The following GOLGA8K variants were observed in gnomAD, a reference collection of about 807,000 sequenced individuals.
GOLGA8K encodes golgin A8 family member K.
Under a neutral mutation model 75.2 loss-of-function variants are expected in GOLGA8K, and 12 were observed. The observed-to-expected ratio is 0.16, with a 90% CI of 0.10 to 0.26. The LOEUF is 0.26. GOLGA8K is among the 10% of genes least tolerant of loss of function. The probability of loss-of-function intolerance (pLI) is 1.00; values close to 1 mark genes in which losing one functional copy is unlikely to be tolerated. For missense variants in GOLGA8K, 109 were observed against 640.8 expected (o/e 0.17, Z 8.96); for synonymous variants, 48 against 236.6 (o/e 0.20, Z 7.32).
At chr15:32,398,191 C>CACACAT (rs1226482330) in intron 8 of GOLGA8K, among the ~76,000 whole-genome samples, 2 of 138,584 alleles carry the variant, frequency 1.4e-5, no homozygotes, top group African/African-American at 2.7e-5. Flanking sequence ...CACACACACA[C>CACACAT]ATGCACGCGT....
rs1566975244 is a variant in GOLGA8K, at chr15:32,395,996, C to A, written c.1167G>T (p.Gln389His). Residue 389 changes from glutamine (Q) to histidine (H), a missense_variant, in exon 13 of 19, where the codon CAG becomes CAT. By Grantham distance (24) the Gln-to-His change is conservative. Coordinates refer to ENST00000512626, the MANE Select transcript of GOLGA8K (RefSeq NM_001282493.2). ...NENKNALQLE[Q>H]QVKELQEKLG... ...GCTTCTCCTGTAGCTCCTTTACTTGCTGCTCCAACTGCAGTGCGTTCTTGT... is the reference window on the plus strand; with the variant it reads ...GCTTCTCCTGTAGCTCCTTTACTTGATGCTCCAACTGCAGTGCGTTCTTGT... 1 of 1,394,826 alleles carries A rather than the reference C, an allele frequency of 7.2e-7. No individual in the cohort carries two copies. 86.4% of individuals were successfully genotyped at this position (1,394,826 alleles called of 1,614,324 possible). A position where few individuals can be genotyped will look rare whatever the true frequency, so the allele number is the denominator to read the frequency against.
chr15:32,396,051 C>G lies in GOLGA8K; in HGVS notation c.1132-20G>C. 1 of 1,017,708 alleles carries G rather than the reference C, an allele frequency of 9.8e-7. No homozygotes were observed. Among genetic ancestry groups the G allele is most frequent in the South Asian group, 1.4e-5 (1 of 73,516 alleles). The allele number at this position is 1,017,708 out of a possible 1,614,324, so 63.0% of individuals were successfully genotyped here. A position where few individuals can be genotyped will look rare whatever the true frequency, so the allele number is the denominator to read the frequency against. On this transcript the variant is annotated intron_variant, in intron 12 of 18. Coordinates refer to ENST00000512626, the MANE Select transcript of GOLGA8K (RefSeq NM_001282493.2). ...ATTGTTCTGGACAGAGAGAAGCAAT[C>G]AGCAGCCACCCACTGCAGCTGGAGA...
chr15:32,397,082 C>T (rs2054628762), intron 10 of GOLGA8K, 75 bp from the exon 11 acceptor site: 1 of 583,518 alleles, frequency 1.7e-6, no homozygotes, highest in Non-Finnish European at 2.9e-6. Flanking sequence ...TCCCTCTCTG[C>T]CCCCACCTCC....
intron 8 of GOLGA8K, 151 bp downstream of exon 8, chr15:32,398,409 G>C: frequency 4.6e-6 from 3 of 649,638 alleles, no homozygotes; most frequent in South Asian, 1.5e-5. Context: ...CTCAGCCCCA[G>C]GCTGCCACTA....
intron 8 of GOLGA8K, among the ~76,000 whole-genome samples, chr15:32,398,057 A>C (rs1325433287): frequency 6.6e-6 from 1 of 152,222 alleles, no homozygotes; most frequent in African/African-American, 2.4e-5. Context: ...ACATAGTCCA[A>C]AACTCAGAAG....
At position 32,393,419 on chromosome 15, in the gene GOLGA8K, G is replaced by A; in HGVS notation, c.1464-29C>T. ...CGGGAGGACAGGGCTCAGACGCTGGGGCCCCTCCGACGGCCCTGTAGCTCC... is the reference window on the plus strand; with the variant it reads ...CGGGAGGACAGGGCTCAGACGCTGGAGCCCCTCCGACGGCCCTGTAGCTCC... On this transcript the variant is annotated intron_variant, in intron 16 of 18. Transcript: ENST00000512626. 2.8e-6 allele frequency: 3 copies of A among 1,087,088 alleles called. 1 individual carries two copies. The highest frequency in any genetic ancestry group is 5.8e-4 in the Middle Eastern group (2 of 3,476). The allele number at this position is 1,087,088 out of a possible 1,614,324, so 67.3% of individuals were successfully genotyped here.
intron 13 of GOLGA8K, 26 bp downstream of exon 13, chr15:32,395,937 G>A: frequency 3.5e-6 from 5 of 1,414,982 alleles, no homozygotes; most frequent in East Asian, 2.5e-5. Context: ...CTTCTTGGAT[G>A]GGGTGGAGGT....
At chr15:32,395,561 T>C (rs868444069) in intron 13 of GOLGA8K, among the ~76,000 whole-genome samples, 1,127 of 142,656 alleles carry the variant, frequency 7.9e-3, no homozygotes, top group African/African-American at 0.027. Context: ...TTTTTTTTTT[T>C]TGTAATTTTA....
intron 14 of GOLGA8K, 39 bp downstream of exon 14, chr15:32,394,626 C>T: frequency 7.6e-7 from 1 of 1,307,436 alleles, no homozygotes; most frequent in Non-Finnish European, 1.1e-6. Context: ...CCCCTTCCTC[C>T]TGGGGCTCTC....
At chr15:32,395,830 C>A in intron 13 of GOLGA8K, 133 bp downstream of exon 13, 1 of 1,478,786 alleles carries the variant, frequency 6.8e-7, no homozygotes, top group Non-Finnish European at 9.1e-7. Context: ...AGAAACAGGA[C>A]TGCCCTGGGG....
chr15:32,395,742 C>G (rs957165411), intron 13 of GOLGA8K, among the ~76,000 whole-genome samples: 2 of 147,208 alleles, frequency 1.4e-5, no homozygotes, highest in Non-Finnish European at 3.0e-5. Flanking sequence ...GGGCTCCATG[C>G]CTCTAGCTAG....
intron 13 of GOLGA8K, among the ~76,000 whole-genome samples, 190 bp from the exon 14 acceptor site, chr15:32,394,930 A>G (rs1345479614): frequency 6.7e-6 from 1 of 148,982 alleles, no homozygotes; most frequent in Non-Finnish European, 1.5e-5. Flanking sequence ...CACTGCCTGT[A>G]CAGCGCCTCC....
At chr15:32,395,884 C>G in intron 13 of GOLGA8K, 79 bp downstream of exon 13, 1 of 1,558,790 alleles carries the variant, frequency 6.4e-7, no homozygotes. Flanking sequence ...TGCCTCTGAC[C>G]TGGCACCTCC....
Position 32,390,005 on chromosome 15 carries a change from T to TTC in GOLGA8K, c.*2776_*2777insGA, listed in dbSNP as rs1186899199. Among the ~76,000 whole-genome samples, 8 of 88,818 alleles carry TTC rather than the reference T, an allele frequency of 9.0e-5. 2 individuals are homozygous for TTC. The highest frequency in any genetic ancestry group is 2.0e-4 in the Non-Finnish European group (8 of 40,614). The allele number at this position is 88,818 out of a possible 152,430, so 58.3% of individuals were successfully genotyped here. On this transcript the variant is annotated 3_prime_UTR_variant, in exon 19 of 19. Coordinates refer to ENST00000512626, the MANE Select transcript of GOLGA8K (RefSeq NM_001282493.2). ...TTGGTTTTAGAGCTGATTTTTTTTT[T>TTC]CATTTCTGGAAAATTATCAGGTTGA...
intron 13 of GOLGA8K, among the ~76,000 whole-genome samples, chr15:32,395,522 G>C (rs2054598862): frequency 1.4e-5 from 2 of 145,220 alleles, no homozygotes; most frequent in Non-Finnish European, 3.1e-5. Flanking sequence ...TGGAATTACA[G>C]GCATGCGCCA....
chr15:32,394,654 G>C lies in GOLGA8K; in HGVS notation c.1276+11C>G, dbSNP rs1191646711. 1 of 1,453,654 alleles carries C rather than the reference G, an allele frequency of 6.9e-7. No individual in the cohort carries two copies. Among genetic ancestry groups the C allele is most frequent in the South Asian group, 1.2e-5 (1 of 84,958 alleles). 90.0% of individuals were successfully genotyped at this position (1,453,654 alleles called of 1,614,324 possible). ...GGGCTCTCTCCTCTTCCTCTGAGCA[G>C]TCTCCCGTACCTTCCCCAGGGAGAG... On this transcript the variant is annotated intron_variant, in intron 14 of 18. Transcript: ENST00000512626.
intron 8 of GOLGA8K, 126 bp from the exon 9 acceptor site, chr15:32,397,629 C>T: frequency 7.6e-7 from 1 of 1,309,140 alleles, no homozygotes; most frequent in Non-Finnish European, 1.1e-6. Context: ...CATTTCCCAG[C>T]CCGTGGTCTG....
chr15:32,398,288 G>A (rs1200634984), intron 8 of GOLGA8K, among the ~76,000 whole-genome samples: 1 of 147,206 alleles, frequency 6.8e-6, no homozygotes, highest in East Asian at 2.0e-4. Flanking sequence ...CCTAGGACTA[G>A]GACTTGCCCA....
rs1276325572 is a variant in GOLGA8K at position 32,391,525 on chromosome 15, A to G, written c.*1257T>C. Among the ~76,000 whole-genome samples, 90 of 117,130 alleles carry G rather than the reference A, an allele frequency of 7.7e-4. No individual in the cohort carries two copies. Among genetic ancestry groups the G allele is most frequent in the African/African-American group, 2.2e-3 (82 of 37,866 alleles). 76.8% of individuals were successfully genotyped at this position (117,130 alleles called of 152,430 possible). A position where few individuals can be genotyped will look rare whatever the true frequency, so the allele number is the denominator to read the frequency against. ...ATTAGTTTATAATAATGTTTCTATT[A>G]TTTTTTAAAGTGTTTTCCATTCAAG... On this transcript the variant is annotated 3_prime_UTR_variant, in exon 19 of 19. Transcript: ENST00000512626.
Sources: gnomAD v4.1 joint callset for allele counts (sites outside exome capture counted in the v4.1 genomes callset) on GRCh38, gnomAD v4.1.1 for gene constraint, MANE v1.5 for transcripts, NCBI Gene and HGNC (gene_info 2026-07-23, HGNC 2026-07-21) for gene names.